Variants in BTBD1 observed in about 807,000 individuals in gnomAD.
The protein encoded by BTBD1 is BTB/POZ domain-containing protein 1.
Under a neutral mutation model 48.0 loss-of-function variants are expected in BTBD1, and 34 were observed. The ratio of observed to expected loss-of-function variants is 0.71; its 90% CI spans 0.54 to 0.94. The LOEUF (loss-of-function observed/expected upper bound fraction) is 0.94. Ranked by LOEUF, BTBD1 falls within the 40% of genes least tolerant of loss-of-function variation. BTBD1 has a pLI of 0.00. For missense variants in BTBD1, 543 were observed against 625.6 expected (o/e 0.87, Z 1.41); for synonymous variants, 261 against 242.1 (o/e 1.08, Z -0.72).
At position 83,017,498 on chromosome 15, in the gene BTBD1, C is replaced by A. The variant is rs188786999; in HGVS notation, c.*569G>T. 6.5e-6 allele frequency: 1 copy of A among 152,734 alleles called. No individual in the cohort carries two copies. Among genetic ancestry groups the A allele is most frequent in the East Asian group, 1.9e-4 (1 of 5,196 alleles). 9.5% of individuals were successfully genotyped at this position (152,734 alleles called of 1,614,324 possible). A position where few individuals can be genotyped will look rare whatever the true frequency, so the allele number is the denominator to read the frequency against. On this transcript the variant is annotated 3_prime_UTR_variant, in exon 8 of 8. Coordinates refer to ENST00000261721, the MANE Select transcript of BTBD1 (RefSeq NM_025238.4). ...TCTCTATAAATGCACTGAATATTTT[C>A]TTGGGCATTTTATTAGGCCTTTTTT...
chr15:83,019,838 A>G (rs1414861659), intron 6 of BTBD1, among the ~76,000 whole-genome samples: 1 of 150,798 alleles, frequency 6.6e-6, no homozygotes, highest in African/African-American at 2.4e-5. Context: ...CTCGTGATCC[A>G]CCTTCCTTGG....
At chr15:83,060,266 G>C (rs1237536511) in intron 1 of BTBD1, among the ~76,000 whole-genome samples, 1 of 151,168 alleles carries the variant, frequency 6.6e-6, no homozygotes, top group Non-Finnish European at 1.5e-5. Flanking sequence ...TTAATTATTA[G>C]AGTTTTTATA....
chr15:83,018,637 T>G, intron 7 of BTBD1, 70 bp downstream of exon 7: 1 of 1,541,888 alleles, frequency 6.5e-7, no homozygotes, highest in Non-Finnish European at 8.8e-7. Context: ...TCAGTGACTC[T>G]CAGCTTCTAA....
At position 83,057,853 on chromosome 15, in the gene BTBD1, T is replaced by C. The variant is rs184972292; in HGVS notation, c.402-1308A>G. Among the ~76,000 whole-genome samples, 43 of 152,312 alleles carry C rather than the reference T, an allele frequency of 2.8e-4. No individual in the cohort carries two copies. The East Asian group carries it at 7.0e-3, about 25-fold the overall frequency. ...CTGGTCTGTTTTCAAGATAATACTA[T>C]CTCCAAAACAGAAATGTTGGCTGGG... On this transcript the variant is annotated intron_variant, in intron 1 of 7. Coordinates refer to ENST00000261721, the MANE Select transcript of BTBD1 (RefSeq NM_025238.4).
At chr15:83,064,256 C>T (rs758591817) in intron 1 of BTBD1, among the ~76,000 whole-genome samples, 12 of 152,152 alleles carry the variant, frequency 7.9e-5, no homozygotes, top group African/African-American at 1.2e-4. Flanking sequence ...CTACGTTACA[C>T]AGCCAGCCAA....
intron 4 of BTBD1, among the ~76,000 whole-genome samples, chr15:83,040,522 G>A (rs2032731379): frequency 6.6e-6 from 1 of 151,956 alleles, no homozygotes; most frequent in Admixed American, 6.6e-5. Flanking sequence ...GACAAATATG[G>A]TGAAACTCTG....
chr15:83,058,742 G>A (rs578029772), intron 1 of BTBD1, among the ~76,000 whole-genome samples: 8 of 152,192 alleles, frequency 5.3e-5, no homozygotes, highest in Non-Finnish European at 1.2e-4. Context: ...GAGCAGCAAT[G>A]TGAGGCCTTT....
At position 83,018,716 on chromosome 15, in the gene BTBD1, T is replaced by C. The variant is rs778544522; in HGVS notation, c.1281A>G (p.Ala427=). 6.2e-7 allele frequency: 1 copy of C among 1,613,952 alleles called. No individual in the cohort carries two copies. ...ILPNVCYTAC[A]TLKGPDSHYG... ...AGTGCATGACTCTTACTTTGAGTGT[T>C]GCACATGCTGTGTAGCACACATTGG... Residue 427 remains alanine, a synonymous_variant, in exon 7 of 8, where the codon GCA becomes GCG. Coordinates refer to ENST00000261721, the MANE Select transcript of BTBD1 (RefSeq NM_025238.4).
intron 1 of BTBD1, among the ~76,000 whole-genome samples, chr15:83,058,571 T>G (rs955148665): frequency 1.3e-5 from 2 of 151,822 alleles, no homozygotes; most frequent in South Asian, 4.2e-4. Flanking sequence ...ATCGCAACAC[T>G]GCACTCTAGC....
chr15:83,030,521 T>G, intron 4 of BTBD1, 193 bp from the exon 5 acceptor site: 1 of 541,968 alleles, frequency 1.8e-6, no homozygotes, highest in Non-Finnish European at 3.2e-6. Context: ...TTAATTAAAA[T>G]GTTAAAAGCA....
chr15:83,022,854 A>G (rs2032327654), intron 5 of BTBD1, among the ~76,000 whole-genome samples: 1 of 152,054 alleles, frequency 6.6e-6, no homozygotes, highest in South Asian at 2.1e-4. Context: ...CCAGCTACTC[A>G]GGAGGCTGAA....
Position 83,051,513 on chromosome 15 carries a change from T to C in BTBD1, c.559-1335A>G, listed in dbSNP as rs371191930. On this transcript the variant is annotated intron_variant, in intron 2 of 7. Coordinates refer to ENST00000261721, the MANE Select transcript of BTBD1 (RefSeq NM_025238.4). The stretch of plus-strand genomic sequence containing the variant: ...ATTTTAAGTTTAAAACATTTACATA[T>C]AACATAAAATATGTATAGAATACTC... 2.9e-4 allele frequency among the ~76,000 whole-genome samples: 43 copies of C among 150,050 alleles called. No individual in the cohort carries two copies. The East Asian group carries it at 5.8e-3, about 20-fold the overall frequency.
chr15:83,034,416 C>A (rs1309738296), intron 4 of BTBD1, among the ~76,000 whole-genome samples: 1 of 152,126 alleles, frequency 6.6e-6, no homozygotes, highest in African/African-American at 2.4e-5. Flanking sequence ...GAGTTCGAGA[C>A]TAGCCTGGCC....
At chr15:83,042,348 T>TTTTATATATATATATATA (rs773923340) in intron 3 of BTBD1, among the ~76,000 whole-genome samples, 2 of 109,894 alleles carry the variant, frequency 1.8e-5, no homozygotes, top group African/African-American at 7.4e-5. Flanking sequence ...TTAGGCAATT[T>TTTTATATATATATATATA]TATATATATA....
At chr15:83,065,401 T>C (rs2033247893) in intron 1 of BTBD1, among the ~76,000 whole-genome samples, 2 of 152,238 alleles carry the variant, frequency 1.3e-5, no homozygotes, top group Non-Finnish European at 2.9e-5. Context: ...AGTTGTATTT[T>C]TTCTTTCTCT....
At chr15:83,021,777 G>A (rs1166977622) in intron 5 of BTBD1, among the ~76,000 whole-genome samples, 1 of 102,722 alleles carries the variant, frequency 9.7e-6, no homozygotes, top group African/African-American at 3.7e-5. Flanking sequence ...AATACATATG[G>A]AACTAAAAGC....
At chr15:83,033,882 A>C (rs2032572008) in intron 4 of BTBD1, among the ~76,000 whole-genome samples, 1 of 152,112 alleles carries the variant, frequency 6.6e-6, no homozygotes, top group African/African-American at 2.4e-5. Flanking sequence ...CCCATCTAAA[A>C]AATTTAATTT....
intron 2 of BTBD1, among the ~76,000 whole-genome samples, chr15:83,052,400 C>T (rs183490497): frequency 6.8e-4 from 104 of 152,094 alleles, no homozygotes; most frequent in African/African-American, 2.4e-3. Context: ...CTTAAATTTC[C>T]TAAGATTAAG....
chr15:83,034,348 C>T (rs1292695597), intron 4 of BTBD1, among the ~76,000 whole-genome samples: 1 of 152,132 alleles, frequency 6.6e-6, no homozygotes, highest in African/African-American at 2.4e-5. Context: ...TTAGGCCAGG[C>T]GTGGTGGCTC....
Sources: gnomAD v4.1 joint callset for allele counts (sites outside exome capture counted in the v4.1 genomes callset) on GRCh38, gnomAD v4.1.1 for gene constraint, MANE v1.5 for transcripts, NCBI Gene and HGNC (gene_info 2026-07-23, HGNC 2026-07-21) for gene names.